Variants in USP4 observed in about 807,000 individuals in gnomAD.
The protein encoded by USP4 is ubiquitin specific peptidase 4, also known as ubiquitin carboxyl-terminal hydrolase 4.
A neutral mutation model predicts 118.2 loss-of-function variants in USP4; 72 were observed. The observed-to-expected ratio is 0.61, with a 90% CI of 0.50 to 0.74. USP4 has a LOEUF of 0.74. USP4 is among the 30% of genes least tolerant of loss of function. USP4 has a pLI of 0.00. For synonymous variants in USP4, 415 were observed against 440.4 expected, an observed-to-expected ratio of 0.94 and a Z score of 0.72; for missense variants, 1,037 against 1,185.7, an observed-to-expected ratio of 0.87 and a Z score of 1.84.
At chr3:49,337,577 T>C (rs2047682155) in intron 1 of USP4, among the ~76,000 whole-genome samples, 1 of 151,888 alleles carries the variant, frequency 6.6e-6, no homozygotes, top group Non-Finnish European at 1.5e-5. Flanking sequence ...TATAGGCACA[T>C]ACCACCATGC....
At chr3:49,317,578 G>C in intron 6 of USP4, 1 of 575,898 alleles carries the variant, frequency 1.7e-6, no homozygotes, top group Non-Finnish European at 3.0e-6. Flanking sequence ...GTCTTACTCT[G>C]TTGCCCAGCC....
chr3:49,280,939 C>A, intron 19 of USP4, 92 bp from the exon 20 acceptor site: 2 of 979,948 alleles, frequency 2.0e-6, no homozygotes, highest in Non-Finnish European at 3.1e-6. Context: ...TGCAACAGGG[C>A]AGAACACAGG....
rs2047088309 is a variant in USP4, at chr3:49,286,121, T to G, written c.2177A>C (p.Asp726Ala). 2.5e-6 allele frequency: 4 copies of G among 1,614,074 alleles called. No homozygotes were observed. The highest frequency in any genetic ancestry group is 3.4e-6 in the Non-Finnish European group (4 of 1,180,026). Residue 726 changes from aspartate to alanine, a missense_variant, in exon 16 of 22, where the codon GAT (aspartate) becomes GCT (alanine). Coordinates refer to ENST00000265560, the MANE Select transcript of USP4 (RefSeq NM_003363.4). ...GTADINSLAADGKLLKLNSRS... is the reference protein window; with the variant it reads ...GTADINSLAAAGKLLKLNSRS... ...ACAGTTGAGTTTAAGTAGTTTTCCATCAGCTGCAAGTGAATTTATGTCAGC... is the reference window on the plus strand; with the variant it reads ...ACAGTTGAGTTTAAGTAGTTTTCCAGCAGCTGCAAGTGAATTTATGTCAGC...
intron 9 of USP4, among the ~76,000 whole-genome samples, chr3:49,302,826 C>T (rs2047275211): frequency 1.3e-5 from 2 of 152,186 alleles, no homozygotes; most frequent in South Asian, 4.1e-4. Context: ...CACCCAAGTA[C>T]TGACATGAAT....
intron 15 of USP4, among the ~76,000 whole-genome samples, chr3:49,290,880 A>T: frequency 6.6e-6 from 1 of 151,620 alleles, no homozygotes; most frequent in East Asian, 2.0e-4. Context: ...TCACGAGGGC[A>T]AGGTGGAAGG....
At chr3:49,283,222 G>A (rs911009336) in intron 19 of USP4, among the ~76,000 whole-genome samples, 3 of 149,864 alleles carry the variant, frequency 2.0e-5, no homozygotes, top group Non-Finnish European at 3.0e-5. Context: ...CACCATGTTG[G>A]CCAGGATGGT....
intron 7 of USP4, 54 bp from the exon 8 acceptor site, chr3:49,310,791 C>T (rs1167072824): frequency 7.0e-7 from 1 of 1,431,746 alleles, no homozygotes; most frequent in East Asian, 2.3e-5. Flanking sequence ...CACATGCCCT[C>T]AAGATGCTTT....
At chr3:49,284,803 G>T in intron 17 of USP4, 46 bp downstream of exon 17, 1 of 1,560,754 alleles carries the variant, frequency 6.4e-7, no homozygotes. Context: ...CACATCCAGA[G>T]CAGAAACCAG....
chr3:49,311,273 G>A (rs570121557), intron 7 of USP4, among the ~76,000 whole-genome samples: 15 of 152,166 alleles, frequency 9.9e-5, no homozygotes, highest in East Asian at 7.7e-4. Context: ...CCCACCCTCC[G>A]AGACTACCTG....
chr3:49,306,482 C>T (rs533080251), intron 8 of USP4, among the ~76,000 whole-genome samples: 2 of 152,170 alleles, frequency 1.3e-5, no homozygotes, highest in Middle Eastern at 3.4e-3. Context: ...GGGTTACAAG[C>T]GTGAGCCACC....
intron 6 of USP4, chr3:49,317,051 C>A: frequency 9.8e-7 from 1 of 1,023,056 alleles, no homozygotes; most frequent in Non-Finnish European, 1.5e-6. Context: ...AGTTGAGGGG[C>A]GCACAGAGGC....
In USP4 at chr3:49,324,683, G is replaced by A. The variant is rs369869449; in HGVS notation, c.695+19C>T. 6.2e-7 allele frequency: 1 copy of A among 1,611,902 alleles called. No homozygotes were observed. Among genetic ancestry groups the A allele is most frequent in the Non-Finnish European group, 8.5e-7 (1 of 1,178,000 alleles). ...TTTGCACATGTGAGCCTACAACAAG[G>A]GAGAAAAAATTCACTTACTTTGACT... On this transcript the variant is annotated intron_variant, in intron 6 of 21. Transcript: ENST00000265560.
intron 8 of USP4, among the ~76,000 whole-genome samples, chr3:49,309,943 C>CTTTTTTTTT (rs773669515): frequency 0.35 from 14,049 of 39,938 alleles, 5,429 homozygotes; most frequent in East Asian, 0.76. Context: ...TTTTTTTAAT[C>CTTTTTTTTT]TTTTTTTTTT....
intron 6 of USP4, among the ~76,000 whole-genome samples, chr3:49,321,400 ATG>A (rs762698790): frequency 2.0e-5 from 3 of 151,568 alleles, no homozygotes; most frequent in Non-Finnish European, 4.4e-5. Context: ...TTCCTCACCT[ATG>A]TTGGAATTAC....
At chr3:49,317,215 G>A (rs753274763) in intron 6 of USP4, 48 of 1,512,326 alleles carry the variant, frequency 3.2e-5, no homozygotes, top group Non-Finnish European at 3.9e-5. Context: ...CTCCGTCTCC[G>A]CGATGGTCTG....
chr3:49,330,836 C>T (rs2047609499), intron 2 of USP4, among the ~76,000 whole-genome samples: 1 of 151,070 alleles, frequency 6.6e-6, no homozygotes. Flanking sequence ...TGGTGAAACC[C>T]CGTCTCTACT....
chr3:49,305,579 T>C, intron 9 of USP4, 136 bp downstream of exon 9: 2 of 616,460 alleles, frequency 3.2e-6, no homozygotes, highest in Non-Finnish European at 5.0e-6. Flanking sequence ...GATTTTGGAA[T>C]GGGGATGCTG....
intron 15 of USP4, among the ~76,000 whole-genome samples, chr3:49,292,288 G>GAA (rs146147164): frequency 2.3e-4 from 25 of 107,954 alleles, no homozygotes; most frequent in African/African-American, 4.8e-4. Flanking sequence ...CCCCTATCTG[G>GAA]AAAAAAAAAA....
At chr3:49,308,568 C>G (rs2047345702) in intron 8 of USP4, among the ~76,000 whole-genome samples, 1 of 152,034 alleles carries the variant, frequency 6.6e-6, no homozygotes, top group Non-Finnish European at 1.5e-5. Context: ...ATCCGCCCGC[C>G]TTGGCCTCCC....
Sources: gnomAD v4.1 joint callset for allele counts (sites outside exome capture counted in the v4.1 genomes callset) on GRCh38, gnomAD v4.1.1 for gene constraint, MANE v1.5 for transcripts, NCBI Gene and HGNC (gene_info 2026-07-23, HGNC 2026-07-21) for gene names.